Variants in AFF2 observed in about 807,000 individuals in gnomAD.
The protein encoded by AFF2 is ALF transcription elongation factor 2.
Under a neutral mutation model 76.9 loss-of-function variants are expected in AFF2, and 14 were observed. The observed-to-expected ratio is 0.18, with a 90% CI of 0.12 to 0.28. The LOEUF (loss-of-function observed/expected upper bound fraction) is 0.28, where lower values mean the gene tolerates loss of function less well. Among genes scored for constraint, AFF2 ranks in the 10% least tolerant of loss-of-function variants. The probability of loss-of-function intolerance (pLI) is 1.00; values close to 1 mark genes in which losing one functional copy is unlikely to be tolerated. For synonymous variants in AFF2, 398 were observed against 366.7 expected, an observed-to-expected ratio of 1.09 and a Z score of -0.98; for missense variants, 868 against 1,001.1, an observed-to-expected ratio of 0.87 and a Z score of 1.79.
chrX:148,623,597 T>C (rs370340997), intron 1 of AFF2, among the ~76,000 whole-genome samples: 1 of 88,311 alleles, frequency 1.1e-5, no homozygotes, highest in Admixed American at 1.2e-4. Flanking sequence ...ACTCAAACAT[T>C]TGAATATATA....
chrX:148,792,567 G>A (rs1557270029), intron 3 of AFF2, among the ~76,000 whole-genome samples: 1 of 112,895 alleles, frequency 8.9e-6, no homozygotes, highest in African/African-American at 3.2e-5. Flanking sequence ...CTTTAACTCA[G>A]TATACTATTA....
chrX:148,934,987 G>A (rs1436164606), intron 9 of AFF2, among the ~76,000 whole-genome samples: 1 of 111,187 alleles, frequency 9.0e-6, no homozygotes, highest in Non-Finnish European at 1.9e-5. Context: ...ATATGGATGG[G>A]TGATTGGTTG....
chrX:148,815,635 G>A (rs2070256150), intron 4 of AFF2, among the ~76,000 whole-genome samples: 2 of 111,039 alleles, frequency 1.8e-5, no homozygotes, highest in Admixed American at 1.9e-4. Flanking sequence ...TGGAATCTAG[G>A]GGTTTGCAGC....
At chrX:148,657,872 A>G (rs782762834) in intron 2 of AFF2, among the ~76,000 whole-genome samples, 1 of 112,517 alleles carries the variant, frequency 8.9e-6, no homozygotes, top group South Asian at 3.7e-4. Context: ...CCTTAATAGG[A>G]TTACTAAGAC....
chrX:148,514,037 C>G (rs2124200435), intron 1 of AFF2, among the ~76,000 whole-genome samples: 1 of 111,618 alleles, frequency 9.0e-6, no homozygotes, highest in African/African-American at 3.2e-5. Context: ...TAATTATTTG[C>G]CATTGTTCAT....
At chrX:148,810,106 C>G (rs941801294) in intron 4 of AFF2, among the ~76,000 whole-genome samples, 186 bp downstream of exon 4, 2 of 112,170 alleles carry the variant, frequency 1.8e-5, no homozygotes. Context: ...ATTTTGTAAT[C>G]AAGCTAGTCT....
At chrX:148,852,424 G>A (rs2070742537) in intron 7 of AFF2, among the ~76,000 whole-genome samples, 1 of 91,980 alleles carries the variant, frequency 1.1e-5, no homozygotes, top group Admixed American at 1.3e-4. Flanking sequence ...TTAAATAATA[G>A]CCATTCTAAC....
chrX:148,924,736 A>T (rs1362929461), intron 9 of AFF2, among the ~76,000 whole-genome samples: 3 of 111,554 alleles, frequency 2.7e-5, no homozygotes, highest in Non-Finnish European at 5.7e-5. Context: ...TATGACACAG[A>T]AAAACTCTTA....
chrX:148,630,050 G>A (rs1468106591), intron 1 of AFF2, among the ~76,000 whole-genome samples: 1 of 111,747 alleles, frequency 8.9e-6, no homozygotes, highest in African/African-American at 3.3e-5. Context: ...TGCTTTCCTT[G>A]AAGCTGATAC....
At chrX:148,880,460 G>A (rs889509625) in intron 7 of AFF2, among the ~76,000 whole-genome samples, 1 of 111,267 alleles carries the variant, frequency 9.0e-6, no homozygotes, top group Non-Finnish European at 1.9e-5. Context: ...TGCCCTTTAA[G>A]GAGTCAAGAG....
At chrX:148,982,365 C>G (rs2072405835) in intron 19 of AFF2, among the ~76,000 whole-genome samples, 1 of 111,838 alleles carries the variant, frequency 8.9e-6, no homozygotes, top group African/African-American at 3.3e-5. Context: ...GGGCTGGGGA[C>G]AGAAAGCTGA....
intron 3 of AFF2, among the ~76,000 whole-genome samples, chrX:148,739,351 C>T (rs1301576823): frequency 8.9e-6 from 1 of 111,841 alleles, no homozygotes; most frequent in Non-Finnish European, 1.9e-5. Context: ...TTGGATAAGG[C>T]CTTTTACCAT....
chrX:148,637,407 C>T (rs1161435324), intron 1 of AFF2, among the ~76,000 whole-genome samples: 1 of 112,167 alleles, frequency 8.9e-6, no homozygotes, highest in African/African-American at 3.2e-5. Flanking sequence ...TAGACTGTTA[C>T]AACAAACCCA....
At position 148,779,005 on chromosome X, in the gene AFF2, CT is replaced by C. The variant is rs1398246660; in HGVS notation, c.1042-30870del. Among the ~76,000 whole-genome samples, 10 of 111,483 alleles carry C rather than the reference CT, an allele frequency of 9.0e-5. No homozygotes were observed. In the Admixed American group the frequency reaches 9.5e-4, roughly 11 times the overall value. Reference sequence around the variant, plus strand: ...AGTGCTATAAATTTCCCTCTAAACACTGCTTTAGCTGTGTCCCAGAGATTCT... The same window carrying C: ...AGTGCTATAAATTTCCCTCTAAACACGCTTTAGCTGTGTCCCAGAGATTCT... On this transcript the variant is annotated intron_variant, in intron 3 of 20. Transcript: ENST00000370460.
intron 7 of AFF2, among the ~76,000 whole-genome samples, chrX:148,845,150 C>G (rs1164115683): frequency 9.2e-6 from 1 of 108,859 alleles, no homozygotes; most frequent in Non-Finnish European, 1.9e-5. Context: ...CACACGCACA[C>G]TCACATGCAT....
rs371113773 is a variant in AFF2 at position 148,754,197 on chromosome X, C to T, written c.1042-55679C>T. Among the ~76,000 whole-genome samples, 36 of 111,450 alleles carry T rather than the reference C, an allele frequency of 3.2e-4. No individual in the cohort carries two copies. The East Asian group carries it at 9.3e-3, about 29-fold the overall frequency. ...AACACATTGATTATACAATAGATGC[C>T]ATTATGCCACATACAATATGCAATA... is the stretch of plus-strand genomic sequence containing the variant. On this transcript the variant is annotated intron_variant, in intron 3 of 20. Transcript: ENST00000370460.
At chrX:148,636,101 CTG>C (rs1174184800) in intron 1 of AFF2, among the ~76,000 whole-genome samples, 2 of 111,004 alleles carry the variant, frequency 1.8e-5, no homozygotes, top group Non-Finnish European at 3.8e-5. Flanking sequence ...TAGGGACACA[CTG>C]TGGAATTTGA....
chrX:148,885,961 G>T lies in AFF2; in HGVS notation c.1335G>T (p.Gln445His). The T allele has an allele frequency of 8.3e-7, 1 of 1,208,561 alleles. No homozygotes were observed. Reference sequence around the variant, plus strand: ...AGCCTGTGAAGACCTTGACCACTCAGTGCACTGCCACTGAGCTCTACCAGG... The same window carrying T: ...AGCCTGTGAAGACCTTGACCACTCATTGCACTGCCACTGAGCTCTACCAGG... The part of the protein sequence containing the change: ...DLEPVKTLTT[Q>H]CTATELYQAV... The change falls in exon 8 of 21, where the codon CAG (glutamine) becomes CAT (histidine). Residue 445 changes from glutamine to histidine, a missense_variant. Transcript: ENST00000370460.
chrX:148,793,647 C>T (rs2069929864), intron 3 of AFF2, among the ~76,000 whole-genome samples: 1 of 111,304 alleles, frequency 9.0e-6, no homozygotes, highest in South Asian at 3.8e-4. Flanking sequence ...GTAACAAATC[C>T]CCTGTCATGA....
Sources: allele counts gnomAD v4.1 joint callset (sites outside exome capture counted in the v4.1 genomes callset), GRCh38; gene constraint gnomAD v4.1.1; transcripts MANE v1.5; gene names NCBI Gene and HGNC (gene_info 2026-07-23, HGNC 2026-07-21).